The following RBFOX2 variants were observed in gnomAD, a reference collection of about 807,000 sequenced individuals.
RBFOX2 encodes the protein RNA binding fox-1 homolog 2, also known as RNA binding protein fox-1 homolog 2.
Under a neutral mutation model 49.1 loss-of-function variants are expected in RBFOX2, and 10 were observed. The ratio of observed to expected loss-of-function variants is 0.20; its 90% CI spans 0.13 to 0.35. The LOEUF (loss-of-function observed/expected upper bound fraction) is 0.35, where lower values mean the gene tolerates loss of function less well. RBFOX2 is among the 10% of genes least tolerant of loss of function. RBFOX2 has a pLI of 1.00. For missense variants in RBFOX2, 323 were observed against 486.9 expected (o/e 0.66, Z 3.17); for synonymous variants, 183 against 187.4 (o/e 0.98, Z 0.19).
intron 1 of RBFOX2, chr22:35,999,675 A>G: frequency 6.6e-6 from 1 of 152,178 alleles, no homozygotes; most frequent in South Asian, 2.1e-4. Context: ...CAAAACGTTG[A>G]TCAAAGAAAT....
chr22:35,907,581 T>TA (rs549311388), intron 1 of RBFOX2, among the ~76,000 whole-genome samples: 57 of 152,340 alleles, frequency 3.7e-4, no homozygotes, highest in African/African-American at 1.3e-3. Flanking sequence ...AGGAGATTGT[T>TA]ATATGCAGCT....
chr22:36,028,220 G>A lies in RBFOX2; in HGVS notation c.186+20C>T, dbSNP rs2059525633. The A allele has an allele frequency of 2.0e-6, 3 of 1,482,754 alleles. No homozygotes were observed. Among genetic ancestry groups the A allele is most frequent in the African/African-American group, 1.5e-5 (1 of 68,262 alleles). 91.8% of individuals were successfully genotyped at this position (1,482,754 alleles called of 1,614,324 possible). On this transcript the variant is annotated intron_variant, in intron 1 of 13. Coordinates refer to the RBFOX2 transcript ENST00000438146. The stretch of plus-strand genomic sequence containing the variant: ...ACGCCCACCCCCGCAATAACTGGGC[G>A]CCCCGTCCCGCGCGGTCACCTGCAT...
At chr22:35,849,575 G>C (rs969109280) in intron 1 of RBFOX2, among the ~76,000 whole-genome samples, 9 of 152,006 alleles carry the variant, frequency 5.9e-5, no homozygotes, top group Non-Finnish European at 8.8e-5. Context: ...AGCTTACCTG[G>C]ACAACAGGAT....
At chr22:35,757,777 C>A (rs1026022117) in intron 9 of RBFOX2, among the ~76,000 whole-genome samples, 1 of 152,108 alleles carries the variant, frequency 6.6e-6, no homozygotes, top group Non-Finnish European at 1.5e-5. Flanking sequence ...AGAAAGTAAT[C>A]TGCCTCTCAG....
At chr22:35,871,165 C>T (rs1295030112) in intron 1 of RBFOX2, among the ~76,000 whole-genome samples, 3 of 152,176 alleles carry the variant, frequency 2.0e-5, no homozygotes, top group African/African-American at 4.8e-5. Context: ...TGGGGAGAGA[C>T]AGATGAATGG....
intron 2 of RBFOX2, among the ~76,000 whole-genome samples, chr22:35,796,803 A>G (rs1303525124): frequency 1.3e-5 from 2 of 152,172 alleles, no homozygotes; most frequent in African/African-American, 4.8e-5. Context: ...ATTTGTTACT[A>G]TCATCACGGA....
At chr22:35,882,084 G>A (rs982349031) in intron 1 of RBFOX2, among the ~76,000 whole-genome samples, 5 of 152,116 alleles carry the variant, frequency 3.3e-5, no homozygotes, top group African/African-American at 7.2e-5. Flanking sequence ...CTGGTTAGCT[G>A]AGAACTAAAG....
chr22:35,872,622 C>G (rs1421693907), intron 1 of RBFOX2, among the ~76,000 whole-genome samples: 2 of 152,208 alleles, frequency 1.3e-5, no homozygotes, highest in Non-Finnish European at 2.9e-5. Context: ...CTGCCCCAGC[C>G]AAACTCCGCC....
chr22:35,943,097 T>C (rs1403525840), upstream of RBFOX2, among the ~76,000 whole-genome samples: 1 of 152,244 alleles, frequency 6.6e-6, no homozygotes, highest in Non-Finnish European at 1.5e-5. Flanking sequence ...CTTGATTCTA[T>C]ACCCAATACT....
intron 9 of RBFOX2, among the ~76,000 whole-genome samples, chr22:35,750,744 C>T (rs1333748319): frequency 6.6e-6 from 1 of 152,262 alleles, no homozygotes; most frequent in African/African-American, 2.4e-5. Context: ...TCCTGACCCA[C>T]AGCACTCACA....
At chr22:35,805,538 G>A (rs763875077) in intron 2 of RBFOX2, among the ~76,000 whole-genome samples, 4 of 152,056 alleles carry the variant, frequency 2.6e-5, no homozygotes, top group Non-Finnish European at 5.9e-5. Flanking sequence ...AATGCAAAAC[G>A]GTAGAGCCAC....
intron 1 of RBFOX2, among the ~76,000 whole-genome samples, chr22:35,829,122 G>A (rs1041646499): frequency 5.3e-5 from 8 of 152,068 alleles, no homozygotes; most frequent in African/African-American, 1.7e-4. Flanking sequence ...TCTAAGAAAC[G>A]CAGTTGTGCT....
chr22:35,765,977 A>G (rs1315120203), intron 5 of RBFOX2, among the ~76,000 whole-genome samples: 1 of 152,170 alleles, frequency 6.6e-6, no homozygotes, highest in Non-Finnish European at 1.5e-5. Flanking sequence ...TAAGTAAACA[A>G]ATATAGAAAC....
chr22:35,953,369 T>C (rs559693602), intron 1 of RBFOX2, among the ~76,000 whole-genome samples: 1 of 151,798 alleles, frequency 6.6e-6, no homozygotes, highest in South Asian at 2.1e-4. Context: ...GGATAAACAA[T>C]GAAAACACAC....
intron 1 of RBFOX2, among the ~76,000 whole-genome samples, chr22:35,976,035 C>T (rs2057131003): frequency 6.6e-6 from 1 of 152,208 alleles, no homozygotes; most frequent in African/African-American, 2.4e-5. Flanking sequence ...TCCTTCACTA[C>T]TGTCCTTAAA....
At chr22:35,760,299 A>G (rs1406362432) in intron 8 of RBFOX2, among the ~76,000 whole-genome samples, 1 of 152,160 alleles carries the variant, frequency 6.6e-6, no homozygotes, top group East Asian at 1.9e-4. Context: ...CAGCTTTACA[A>G]TGCAAGCTGC....
intron 1 of RBFOX2, among the ~76,000 whole-genome samples, chr22:35,950,412 T>C (rs989159990): frequency 1.3e-5 from 2 of 152,184 alleles, no homozygotes; most frequent in Non-Finnish European, 2.9e-5. Flanking sequence ...GGTCCCATTG[T>C]GCTTGCCTAG....
intron 2 of RBFOX2, among the ~76,000 whole-genome samples, chr22:35,789,424 T>G (rs538629891): frequency 6.4e-4 from 97 of 152,166 alleles, no homozygotes; most frequent in Middle Eastern, 6.8e-3. Flanking sequence ...GCGCCTGTAA[T>G]CCCAGCTACC....
intron 1 of RBFOX2, among the ~76,000 whole-genome samples, chr22:35,955,355 A>G (rs2055420390): frequency 6.6e-6 from 1 of 152,244 alleles, no homozygotes; most frequent in South Asian, 2.1e-4. Flanking sequence ...AAAAGTATCA[A>G]TAATAAACCA....
Sources: gnomAD v4.1 joint callset for allele counts (sites outside exome capture counted in the v4.1 genomes callset) on GRCh38, gnomAD v4.1.1 for gene constraint, MANE v1.5 for transcripts, NCBI Gene and HGNC (gene_info 2026-07-23, HGNC 2026-07-21) for gene names.